Variants in DCAF8L2 observed in about 807,000 individuals in gnomAD.
DCAF8L2 encodes the protein DDB1 and CUL4 associated factor 8 like 2, also known as DDB1- and CUL4-associated factor 8-like protein 2.
For missense variants in DCAF8L2, 430 were observed against 490.7 expected, an observed-to-expected ratio of 0.88 and a Z score of 1.17; for synonymous variants, 200 against 190.9, an observed-to-expected ratio of 1.05 and a Z score of -0.39.
rs776310062 is a variant in DCAF8L2, at chrX:27,747,942, A to G, written c.1047A>G (p.Arg349=). Residue 349 remains arginine (R), a synonymous_variant, in exon 5 of 5, where the codon AGA becomes AGG. Transcript: ENST00000451261. Reference sequence around the variant, plus strand: ...CTGTTGTCTTCACCATTGACCTCAGACAAGACCGGCCAGCTTCAAAAGTTG... The same window carrying G: ...CTGTTGTCTTCACCATTGACCTCAGGCAAGACCGGCCAGCTTCAAAAGTTG... ...EDAVVFTIDL[R]QDRPASKVVV... 3.3e-6 allele frequency: 4 copies of G among 1,211,836 alleles called. No individual in the cohort carries two copies. The highest frequency in any genetic ancestry group is 3.0e-5 in the East Asian group (1 of 33,835).
At chrX:27,583,816 A>G in the DCAF8L2 span, among the ~76,000 whole-genome samples, 2 of 112,027 alleles carry the variant, frequency 1.8e-5, no homozygotes, top group East Asian at 5.6e-4. Context: ...ATTGTCTTCC[A>G]TGAAACCGAT....
chrX:27,627,043 G>GA (rs1392234966), intron 1 of DCAF8L2, among the ~76,000 whole-genome samples: 1 of 70,105 alleles, frequency 1.4e-5, no homozygotes, highest in Non-Finnish European at 2.7e-5. Flanking sequence ...CTAGGTGGTG[G>GA]AAAAAAATAG....
chrX:27,630,732 G>T (rs2147170963), intron 1 of DCAF8L2, among the ~76,000 whole-genome samples: 1 of 111,957 alleles, frequency 8.9e-6, no homozygotes, highest in South Asian at 3.7e-4. Context: ...ACCATAGGTT[G>T]AGTGGCTTAT....
chrX:27,494,657 T>G, the DCAF8L2 span, among the ~76,000 whole-genome samples: 1 of 111,855 alleles, frequency 8.9e-6, no homozygotes, highest in Admixed American at 9.5e-5. Context: ...TTTGTGGTTA[T>G]GACTTGGCAT....
intron 3 of DCAF8L2, among the ~76,000 whole-genome samples, chrX:27,695,717 T>A (rs1930869380): frequency 9.0e-6 from 1 of 111,662 alleles, no homozygotes; most frequent in Non-Finnish European, 1.9e-5. Context: ...GTGTCCTGAT[T>A]AATATAGGTA....
the DCAF8L2 span, among the ~76,000 whole-genome samples, chrX:27,495,260 G>A: frequency 9.0e-6 from 1 of 111,695 alleles, no homozygotes; most frequent in African/African-American, 3.2e-5. Context: ...TGTTGCATTG[G>A]TTGATATTTC....
At chrX:27,534,208 C>CAA in the DCAF8L2 span, among the ~76,000 whole-genome samples, 603 of 83,032 alleles carry the variant, frequency 7.3e-3, 7 homozygotes, top group Non-Finnish European at 0.01. Flanking sequence ...GACCCTGTCT[C>CAA]AAAAAAAAAA....
chrX:27,479,585 A>G, the DCAF8L2 span, among the ~76,000 whole-genome samples: 1 of 112,266 alleles, frequency 8.9e-6, no homozygotes, highest in Non-Finnish European at 1.9e-5. Flanking sequence ...CATAAATTAA[A>G]CACTTATAAA....
chrX:27,618,603 A>G (rs760329889), intron 1 of DCAF8L2, among the ~76,000 whole-genome samples: 3 of 111,276 alleles, frequency 2.7e-5, no homozygotes, highest in African/African-American at 9.8e-5. Flanking sequence ...CTTTGTACTA[A>G]TTACAAAAGA....
the DCAF8L2 span, among the ~76,000 whole-genome samples, chrX:27,560,254 A>C: frequency 1.2e-5 from 1 of 83,296 alleles, no homozygotes; most frequent in Non-Finnish European, 2.3e-5. Context: ...GCGACAGAGC[A>C]AGATATCCAT....
At chrX:27,553,525 A>T in the DCAF8L2 span, among the ~76,000 whole-genome samples, 11 of 109,827 alleles carry the variant, frequency 1.0e-4, no homozygotes, top group Non-Finnish European at 1.7e-4. Context: ...CTTTTTTTTT[A>T]AATCTTCTTG....
At chrX:27,478,621 A>G in the DCAF8L2 span, among the ~76,000 whole-genome samples, 9 of 112,254 alleles carry the variant, frequency 8.0e-5, no homozygotes, top group Non-Finnish European at 1.7e-4. Context: ...TTTTATCATA[A>G]AATGTTAAAC....
chrX:27,515,019 A>G, the DCAF8L2 span, among the ~76,000 whole-genome samples: 1 of 111,946 alleles, frequency 8.9e-6, no homozygotes, highest in East Asian at 2.8e-4. Flanking sequence ...TTCAAGATAG[A>G]TAGAAGACTT....
chrX:27,688,844 T>C (rs1008193053), intron 3 of DCAF8L2, among the ~76,000 whole-genome samples: 9 of 111,634 alleles, frequency 8.1e-5, no homozygotes, highest in Non-Finnish European at 1.7e-4. Flanking sequence ...GTCTTTTTTG[T>C]TTGTTTGTTT....
intron 3 of DCAF8L2, among the ~76,000 whole-genome samples, chrX:27,708,506 A>G (rs1323706204): frequency 8.9e-6 from 1 of 111,944 alleles, no homozygotes; most frequent in Non-Finnish European, 1.9e-5. Context: ...ACATAGTGCT[A>G]CACTCAACTC....
At chrX:27,592,961 G>C (rs1926187738) in intron 1 of DCAF8L2, among the ~76,000 whole-genome samples, 1 of 110,134 alleles carries the variant, frequency 9.1e-6, no homozygotes, top group Non-Finnish European at 1.9e-5. Flanking sequence ...ACCACACCCA[G>C]CTAATTTTTG....
intron 4 of DCAF8L2, among the ~76,000 whole-genome samples, chrX:27,735,916 A>G (rs1386778839): frequency 8.9e-6 from 1 of 112,098 alleles, no homozygotes; most frequent in Non-Finnish European, 1.9e-5. Context: ...AGACATTAAA[A>G]ATAAACACTA....
the DCAF8L2 span, among the ~76,000 whole-genome samples, chrX:27,497,509 T>TTTCTCTTTCCTTCC: frequency 3.7e-4 from 17 of 46,490 alleles, no homozygotes; most frequent in Middle Eastern, 0.01. Flanking sequence ...TCTTTCTTTC[T>TTTCTCTTTCCTTCC]TTCCTTCCTT....
At chrX:27,593,686 C>T (rs1169588309) in intron 1 of DCAF8L2, among the ~76,000 whole-genome samples, 1 of 111,825 alleles carries the variant, frequency 8.9e-6, no homozygotes, top group Non-Finnish European at 1.9e-5. Context: ...CTACAGAAAA[C>T]AGATGCTTGC....
Sources: gnomAD v4.1 joint callset for allele counts (sites outside exome capture counted in the v4.1 genomes callset) on GRCh38, gnomAD v4.1.1 for gene constraint, MANE v1.5 for transcripts, NCBI Gene and HGNC (gene_info 2026-07-23, HGNC 2026-07-21) for gene names.